RNF41: variants seen among roughly 807,000 people sequenced by gnomAD.
RNF41 encodes the protein E3 ubiquitin-protein ligase NRDP1.
A neutral mutation model predicts 33.0 loss-of-function variants in RNF41; 4 were observed. That is an observed-to-expected ratio of 0.12 (90% CI 0.06 to 0.28). The LOEUF (loss-of-function observed/expected upper bound fraction) is 0.28. RNF41 is among the 10% of genes least tolerant of loss of function. RNF41 has a pLI of 1.00. For missense variants in RNF41, 228 were observed against 432.6 expected (o/e 0.53, Z 4.19); for synonymous variants, 164 against 153.2 (o/e 1.07, Z -0.52).
chr12:56,207,778 T>A, intron 5 of RNF41, 29 bp from the exon 6 acceptor site: 1 of 1,557,222 alleles, frequency 6.4e-7, no homozygotes, highest in South Asian at 1.1e-5. Context: ...ACAGGAATAA[T>A]GGTTAAGGCA....
chr12:56,218,245 C>T lies in RNF41; in HGVS notation c.-208-1632G>A, dbSNP rs139890903. Among the ~76,000 whole-genome samples the T allele has an allele frequency of 7.4e-3, 1,129 of 152,034 alleles. 15 individuals are homozygous for T. The highest frequency in any genetic ancestry group is 0.025 in the African/African-American group (1,029 of 41,454). On this transcript the variant is annotated intron_variant, in intron 1 of 6. Transcript: ENST00000345093. ...CTGGGATTACAAGTGTGAGCCACCG[C>T]GCCTGGCCCACATAAATTATTATTA...
In RNF41 at chr12:56,206,853, G is replaced by A; in HGVS notation, c.603-55C>T. ...CCAGCTCATCTCCTTTCTCTGTATT[G>A]GCTTTTTCTGCTAATAGAAATAACT... On this transcript the variant is annotated intron_variant, in intron 6 of 6. Coordinates refer to ENST00000345093, the MANE Select transcript of RNF41 (RefSeq NM_005785.4). The surrounding 1 kb of genome is among the most constrained non-coding windows in gnomAD (Gnocchi z 5.7). 2 of 1,303,494 alleles carry A rather than the reference G, an allele frequency of 1.5e-6. No individual in the cohort carries two copies. The highest frequency in any genetic ancestry group is 2.1e-6 in the Non-Finnish European group (2 of 941,112). The allele number at this position is 1,303,494 out of a possible 1,614,324, so 80.7% of individuals were successfully genotyped here.
Position 56,214,085 on chromosome 12 carries a change from G to A in RNF41, c.-23-15C>T, listed in dbSNP as rs192447665. On this transcript the variant is annotated splice_polypyrimidine_tract_variant and intron_variant, in intron 2 of 6. Transcript: ENST00000345093. The stretch of plus-strand genomic sequence containing the variant: ...AAACCCAGGTCCTGAAAGGACAACA[G>A]GAAAAAGAGGCCAGTTCAGAAGAAG... 73 of 1,369,436 alleles carry A rather than the reference G, an allele frequency of 5.3e-5. No individual in the cohort carries two copies. The African/African-American group carries it at 9.1e-4, about 17-fold the overall frequency. The allele number at this position is 1,369,436 out of a possible 1,614,324, so 84.8% of individuals were successfully genotyped here.
chr12:56,215,152 G>C (rs937528899), intron 2 of RNF41, among the ~76,000 whole-genome samples: 1 of 152,164 alleles, frequency 6.6e-6, no homozygotes, highest in South Asian at 2.1e-4. Context: ...AGTGATTCAA[G>C]AAAAGGCTGA....
chr12:56,218,119 A>G (rs1869042376), intron 1 of RNF41, among the ~76,000 whole-genome samples: 1 of 152,040 alleles, frequency 6.6e-6, no homozygotes, highest in African/African-American at 2.4e-5. Context: ...ATGCCCGGCT[A>G]ATTTTTGTAT....
rs1312245754 is a variant in RNF41 at position 56,207,642 on chromosome 12, T to A, written c.602+4A>T. The A allele has an allele frequency of 6.2e-7, 1 of 1,600,506 alleles. No individual in the cohort carries two copies. On this transcript the variant is annotated splice_donor_region_variant and intron_variant, in intron 6 of 6. Coordinates refer to ENST00000345093, the MANE Select transcript of RNF41 (RefSeq NM_005785.4). Reference sequence around the variant, plus strand: ...AATCACTCCACGTCCTGAGTGACACTCACTCTAGGATCTCGTTGTATTCAA... The same window carrying A: ...AATCACTCCACGTCCTGAGTGACACACACTCTAGGATCTCGTTGTATTCAA...
intron 2 of RNF41, among the ~76,000 whole-genome samples, chr12:56,216,000 T>A (rs891122994): frequency 2.0e-5 from 3 of 151,902 alleles, no homozygotes; most frequent in African/African-American, 4.8e-5. Context: ...TGGGCACCTG[T>A]AATCCTAGCT....
intron 3 of RNF41, among the ~76,000 whole-genome samples, chr12:56,211,850 T>C (rs907850298): frequency 6.6e-6 from 1 of 152,150 alleles, no homozygotes; most frequent in African/African-American, 2.4e-5. Flanking sequence ...CGGGTGCCTG[T>C]AGTCTCAGCT....
chr12:56,208,479 C>A, intron 4 of RNF41, 181 bp from the exon 5 acceptor site: 1 of 532,264 alleles, frequency 1.9e-6, no homozygotes, highest in Non-Finnish European at 3.3e-6. Flanking sequence ...TTCCTACTTG[C>A]CCCTTTGCTG....
At chr12:56,215,507 TC>T (rs756037355) in intron 2 of RNF41, among the ~76,000 whole-genome samples, 8 of 147,904 alleles carry the variant, frequency 5.4e-5, no homozygotes, top group Non-Finnish European at 9.0e-5. Context: ...GATCATGAGG[TC>T]AAGAGATCAA....
At chr12:56,219,609 A>G (rs1869183027) in intron 1 of RNF41, among the ~76,000 whole-genome samples, 1 of 149,236 alleles carries the variant, frequency 6.7e-6, no homozygotes, top group African/African-American at 2.4e-5. Context: ...TACAGGCGTG[A>G]GCCACTGCGC....
At chr12:56,210,119 A>G in intron 4 of RNF41, 178 bp downstream of exon 4, 1 of 645,032 alleles carries the variant, frequency 1.6e-6, no homozygotes. Flanking sequence ...GAGCAAAATG[A>G]TTATAGTTGG....
chr12:56,208,016 C>T (rs1243265978), intron 5 of RNF41, 147 bp downstream of exon 5: 1 of 970,724 alleles, frequency 1.0e-6, no homozygotes, highest in Non-Finnish European at 1.6e-6. Context: ...AATCTGATTC[C>T]CTGCTAAGCC....
intron 3 of RNF41, 33 bp downstream of exon 3, chr12:56,213,925 T>G: frequency 7.3e-7 from 1 of 1,377,794 alleles, no homozygotes; most frequent in Admixed American, 1.7e-5. Flanking sequence ...TGCTACCTGT[T>G]GCCCCACCAA....
rs778541493 is a variant in RNF41 at position 56,210,404 on chromosome 12, G to A, written c.255C>T (p.Asn85=). 2.5e-5 allele frequency: 40 copies of A among 1,614,120 alleles called. No individual in the cohort carries two copies. The highest frequency in any genetic ancestry group is 1.3e-4 in the East Asian group (6 of 44,906). ...CAACGGCACTACAGCCGAACACAGC[G>A]TTGTCACAGGCAATCTGCAGCTTTG... is the stretch of plus-strand genomic sequence containing the variant. ...MLSKLQIACD[N]AVFGCSAVVR... Residue 85 remains asparagine (N), a synonymous_variant, in exon 4 of 7, where the codon AAC becomes AAT. Transcript: ENST00000345093.
At chr12:56,221,174 G>A (rs1479840520) in intron 1 of RNF41, among the ~76,000 whole-genome samples, 1 of 152,084 alleles carries the variant, frequency 6.6e-6, no homozygotes, top group Non-Finnish European at 1.5e-5. Context: ...AAAGTCCTGA[G>A]TTAGGGAAGG....
At chr12:56,221,211 T>C (rs1301188708) in intron 1 of RNF41, among the ~76,000 whole-genome samples, 1 of 152,056 alleles carries the variant, frequency 6.6e-6, no homozygotes, top group African/African-American at 2.4e-5. Context: ...GTGTGAACCC[T>C]GCCAGAGAGC....
At chr12:56,213,920 C>G (rs1287346843) in intron 3 of RNF41, 38 bp downstream of exon 3, 2 of 1,316,626 alleles carry the variant, frequency 1.5e-6, no homozygotes, top group Non-Finnish European at 2.2e-6. Flanking sequence ...TCCACTGCTA[C>G]CTGTTGCCCC....
rs574633374 is a variant in RNF41, at chr12:56,217,089, G to A, written c.-208-476C>T. 2.2e-3 allele frequency among the ~76,000 whole-genome samples: 328 copies of A among 150,016 alleles called. 2 individuals are homozygous for A. Among genetic ancestry groups the A allele is most frequent in the African/African-American group, 7.6e-3 (307 of 40,650 alleles). ...TAGGAGCTGCAGCTTGCAGTGAGCC[G>A]AGACCGCGCCACCGCACTCCAGCCT... On this transcript the variant is annotated intron_variant, in intron 1 of 6. Transcript: ENST00000345093.
Sources: gnomAD v4.1 joint callset for allele counts (sites outside exome capture counted in the v4.1 genomes callset) on GRCh38, gnomAD v4.1.1 for gene constraint, Gnocchi (gnomAD v3.1) non-coding constraint, MANE v1.5 for transcripts, NCBI Gene and HGNC (gene_info 2026-07-23, HGNC 2026-07-21) for gene names.